The following C11orf58 variants were observed in gnomAD, a reference collection of about 807,000 sequenced individuals.
C11orf58 encodes chromosome 11 open reading frame 58.
A neutral mutation model predicts 22.7 loss-of-function variants in C11orf58; 5 were observed. That is an observed-to-expected ratio of 0.22 (90% CI 0.12 to 0.46). The LOEUF (loss-of-function observed/expected upper bound fraction) is 0.46, where lower values mean the gene tolerates loss of function less well. C11orf58 is among the 20% of genes least tolerant of loss of function. The pLI is 0.99. For synonymous variants in C11orf58, 71 were observed against 70.7 expected, an observed-to-expected ratio of 1.00 and a Z score of -0.02; for missense variants, 151 against 223.3, an observed-to-expected ratio of 0.68 and a Z score of 2.06.
intron 4 of C11orf58, among the ~76,000 whole-genome samples, chr11:16,754,596 G>T (rs1442079476): frequency 5.0e-5 from 4 of 80,138 alleles, no homozygotes; most frequent in Non-Finnish European, 6.8e-5. Context: ...AAGAGACAGG[G>T]TCTCACTATG....
In C11orf58 at chr11:16,757,382, T is replaced by A. The variant is rs974801020; in HGVS notation, c.*2278T>A. ...GCAACTTGTTTTAAAATAACTACAC[T>A]AAAAGACTTTCTTCATCTCCGTATA... On this transcript the variant is annotated 3_prime_UTR_variant, in exon 5 of 5. Transcript: ENST00000228136. Among the ~76,000 whole-genome samples, 3 of 152,314 alleles carry A rather than the reference T, an allele frequency of 2.0e-5. No individual in the cohort carries two copies. In the South Asian group the frequency reaches 6.2e-4, roughly 32 times the overall value.
At chr11:16,752,002 C>T (rs1590075421) in intron 3 of C11orf58, 1 of 152,290 alleles carries the variant, frequency 6.6e-6, no homozygotes, top group East Asian at 1.9e-4. Context: ...CCATTTCCAA[C>T]CTCCTGTCTT....
chr11:16,753,208 G>A (rs1848547529), intron 4 of C11orf58, among the ~76,000 whole-genome samples: 1 of 152,010 alleles, frequency 6.6e-6, no homozygotes, highest in South Asian at 2.1e-4. Context: ...CTCCTGAGTA[G>A]CTGGGATTAC....
rs574730101 is a variant in C11orf58, at chr11:16,755,405, T to C, written c.*301T>C. 4.9e-6 allele frequency: 1 copy of C among 204,970 alleles called. No homozygotes were observed. The highest frequency in any genetic ancestry group is 1.2e-4 in the South Asian group (1 of 8,280). The allele number at this position is 204,970 out of a possible 1,614,324, so 12.7% of individuals were successfully genotyped here. On this transcript the variant is annotated 3_prime_UTR_variant, in exon 5 of 5. Coordinates refer to ENST00000228136, the MANE Select transcript of C11orf58 (RefSeq NM_014267.6). ...TGGGGGAAATGCTTCTTTTTGTTTG[T>C]GATAGCTATTTTATCATTTCCTTCA...
chr11:16,739,269 C>T (rs1218489837), intron 1 of C11orf58, among the ~76,000 whole-genome samples: 2 of 152,068 alleles, frequency 1.3e-5, no homozygotes, highest in African/African-American at 4.8e-5. Flanking sequence ...ATTTTTCCTG[C>T]CTGGATGATT....
chr11:16,739,880 A>G (rs1564882247), intron 1 of C11orf58, among the ~76,000 whole-genome samples: 2 of 152,346 alleles, frequency 1.3e-5, no homozygotes, highest in South Asian at 2.1e-4. Flanking sequence ...ATAAAATTTT[A>G]AAAGCCCACT....
In C11orf58 at chr11:16,749,710, C is replaced by G. The variant is rs117566943; in HGVS notation, c.208+1553C>G. On this transcript the variant is annotated intron_variant, in intron 3 of 4. Transcript: ENST00000228136. The stretch of plus-strand genomic sequence containing the variant: ...CTAGGTTGTGCCTCCTTATGAGAAT[C>G]TAATGCCTGATGATCTGAATTGGAG... 4.0e-3 allele frequency: 603 copies of G among 152,448 alleles called. 11 individuals are homozygous for G. In the East Asian group the frequency reaches 0.047, roughly 12 times the overall value. The allele number at this position is 152,448 out of a possible 1,614,324, so 9.4% of individuals were successfully genotyped here. A position where few individuals can be genotyped will look rare whatever the true frequency, so the allele number is the denominator to read the frequency against.
At chr11:16,743,959 T>TA (rs1327562272) in intron 1 of C11orf58, among the ~76,000 whole-genome samples, 1 of 151,466 alleles carries the variant, frequency 6.6e-6, no homozygotes, top group Non-Finnish European at 1.5e-5. Flanking sequence ...TCTGTTCTTT[T>TA]AAAAAATAAG....
chr11:16,747,229 A>G (rs1174767276), intron 2 of C11orf58: 1 of 152,256 alleles, frequency 6.6e-6, no homozygotes, highest in African/African-American at 2.4e-5. Flanking sequence ...TTAATGGCAC[A>G]TAAAGCAATG....
In C11orf58 at chr11:16,756,193, T is replaced by C. The variant is rs1848575322; in HGVS notation, c.*1089T>C. 1 of 152,148 alleles carries C rather than the reference T, an allele frequency of 6.6e-6. No homozygotes were observed. The highest frequency in any genetic ancestry group is 1.5e-5 in the Non-Finnish European group (1 of 68,024). 9.4% of individuals were successfully genotyped at this position (152,148 alleles called of 1,614,324 possible). A position where few individuals can be genotyped will look rare whatever the true frequency, so the allele number is the denominator to read the frequency against. On this transcript the variant is annotated 3_prime_UTR_variant, in exon 5 of 5. Coordinates refer to ENST00000228136, the MANE Select transcript of C11orf58 (RefSeq NM_014267.6). Reference sequence around the variant, plus strand: ...TTTATAAGTAACAAGTTCAAAGGCTTTAGTCACACCTGTTTGTGAGCTGAG... The same window carrying C: ...TTTATAAGTAACAAGTTCAAAGGCTCTAGTCACACCTGTTTGTGAGCTGAG...
intron 3 of C11orf58, 102 bp downstream of exon 3, chr11:16,748,259 T>C: frequency 9.9e-7 from 1 of 1,008,330 alleles, no homozygotes; most frequent in East Asian, 2.6e-5. Flanking sequence ...ATTGTGTAAA[T>C]TATTAAAATA....
chr11:16,738,702 G>T lies in C11orf58; in HGVS notation c.-77G>T. The stretch of plus-strand genomic sequence containing the variant: ...TAGTGGCGCTGCTTGGGCCCTTGGC[G>T]GATTGTAAGCTGCTGGTTTTGCGGC... On this transcript the variant is annotated 5_prime_UTR_variant, in exon 1 of 5. Coordinates refer to ENST00000228136, the MANE Select transcript of C11orf58 (RefSeq NM_014267.6). The T allele has an allele frequency of 2.0e-6, 3 of 1,517,172 alleles. No individual in the cohort carries two copies. The allele number at this position is 1,517,172 out of a possible 1,614,324, so 94.0% of individuals were successfully genotyped here.
intron 4 of C11orf58, among the ~76,000 whole-genome samples, chr11:16,754,559 T>C (rs1848559933): frequency 2.3e-5 from 2 of 85,616 alleles, no homozygotes; most frequent in African/African-American, 9.7e-5. Flanking sequence ...TTTTTTTTTT[T>C]TTTTTTTTTT....
intron 4 of C11orf58, chr11:16,753,928 G>C: frequency 1.8e-6 from 1 of 558,926 alleles, no homozygotes; most frequent in Non-Finnish European, 3.3e-6. Flanking sequence ...CAAAACTCCT[G>C]GGTTCAAGCG....
At chr11:16,739,952 C>G (rs1019194219) in intron 1 of C11orf58, among the ~76,000 whole-genome samples, 9 of 152,090 alleles carry the variant, frequency 5.9e-5, no homozygotes, top group Non-Finnish European at 1.2e-4. Flanking sequence ...GGAGGTGGGG[C>G]GAGGACCGGA....
chr11:16,738,910 G>C, intron 1 of C11orf58, 69 bp downstream of exon 1: 2 of 1,578,410 alleles, frequency 1.3e-6, no homozygotes, highest in Non-Finnish European at 1.7e-6. Flanking sequence ...GGGAAGGGTG[G>C]TTGGAGGAGG....
Position 16,741,094 on chromosome 11 carries a change from T to TAAA in C11orf58, c.63+2270_63+2272dup, listed in dbSNP as rs10634210. Reference sequence around the variant, plus strand: ...CTGGGCGACAGAGCGAGACTCTGTTTAAAAAAAAAAAAAAAAAAATCTAGT... The same window carrying TAAA: ...CTGGGCGACAGAGCGAGACTCTGTTTAAAAAAAAAAAAAAAAAAAAAATCTAGT... On this transcript the variant is annotated intron_variant, in intron 1 of 4. Coordinates refer to ENST00000228136, the MANE Select transcript of C11orf58 (RefSeq NM_014267.6). 8.7e-4 allele frequency among the ~76,000 whole-genome samples: 121 copies of TAAA among 139,120 alleles called. 1 individual carries two copies. Among genetic ancestry groups the TAAA allele is most frequent in the African/African-American group, 2.8e-3 (102 of 36,780 alleles). 91.3% of individuals were successfully genotyped at this position (139,120 alleles called of 152,430 possible).
rs1848573104 is a variant in C11orf58 at position 16,755,875 on chromosome 11, A to G, written c.*771A>G. ...TTAATTTTGTCCCAAAGGTCTAAAT[A>G]AAGAGCAGTTTCCCATATTTGGCTG... is the stretch of plus-strand genomic sequence containing the variant. On this transcript the variant is annotated 3_prime_UTR_variant, in exon 5 of 5. Transcript: ENST00000228136. 1 of 152,734 alleles carries G rather than the reference A, an allele frequency of 6.5e-6. No homozygotes were observed. Among genetic ancestry groups the G allele is most frequent in the South Asian group, 2.1e-4 (1 of 4,828 alleles). 9.5% of individuals were successfully genotyped at this position (152,734 alleles called of 1,614,324 possible).
intron 3 of C11orf58, 62 bp from the exon 4 acceptor site, chr11:16,752,723 A>G: frequency 1.7e-6 from 2 of 1,179,226 alleles, no homozygotes; most frequent in Non-Finnish European, 2.5e-6. Flanking sequence ...CATCTGTATT[A>G]TGGGTTTTTG....
Sources: gnomAD v4.1 joint callset for allele counts (sites outside exome capture counted in the v4.1 genomes callset) on GRCh38, gnomAD v4.1.1 for gene constraint, MANE v1.5 for transcripts, NCBI Gene and HGNC (gene_info 2026-07-23, HGNC 2026-07-21) for gene names.